The following AKR1C2 variants were observed in gnomAD, a reference collection of about 807,000 sequenced individuals.
AKR1C2 encodes 3-alpha-HSD3.
In AKR1C2, 27 loss-of-function variants were observed where a neutral mutation model predicts 39.8. That is an observed-to-expected ratio of 0.68 (90% CI 0.50 to 0.93). The LOEUF is 0.93. Among genes scored for constraint, AKR1C2 ranks in the 40% least tolerant of loss-of-function variants. The pLI is 0.00. For synonymous variants in AKR1C2, 114 were observed against 137.9 expected, an observed-to-expected ratio of 0.83 and a Z score of 1.22; for missense variants, 263 against 365.1, an observed-to-expected ratio of 0.72 and a Z score of 2.28.
chr10:5,015,284 A>G (rs1244280646), intron 1 of AKR1C2: 2 of 152,106 alleles, frequency 1.3e-5, no homozygotes, highest in African/African-American at 4.8e-5. Flanking sequence ...TGAGAAAATT[A>G]TTTTCTTTCT....
At chr10:4,993,371 AT>A (rs1267727314) in intron 7 of AKR1C2, among the ~76,000 whole-genome samples, 5 of 152,324 alleles carry the variant, frequency 3.3e-5, no homozygotes, top group African/African-American at 1.2e-4. Flanking sequence ...AGGTAAAAAA[AT>A]TCAAGTTATG....
chr10:5,006,088 AG>A (rs1837397213), upstream of AKR1C2: 1 of 152,220 alleles, frequency 6.6e-6, no homozygotes, highest in Non-Finnish European at 1.5e-5. Flanking sequence ...AAATGTGAAC[AG>A]GTCCTAAGGG....
chr10:4,993,812 C>G (rs1836923376), intron 7 of AKR1C2, among the ~76,000 whole-genome samples: 1 of 151,122 alleles, frequency 6.6e-6, no homozygotes. Flanking sequence ...ACACATATGT[C>G]ATATATCATA....
intron 1 of AKR1C2, among the ~76,000 whole-genome samples, chr10:5,014,068 T>TTGTG (rs1837580050): frequency 2.0e-5 from 3 of 152,104 alleles, no homozygotes; most frequent in Admixed American, 2.0e-4. Flanking sequence ...TAATGTCCCT[T>TTGTG]TGTAGACACT....
upstream of AKR1C2, chr10:5,007,645 T>A (rs1837433279): frequency 6.6e-6 from 1 of 150,674 alleles, no homozygotes; most frequent in Non-Finnish European, 1.5e-5. Context: ...AAATTTCAGG[T>A]CTTTCTTACA....
Position 4,995,880 on chromosome 10 carries a change from G to C in AKR1C2, c.571-15C>G, listed in dbSNP as rs782075521. Reference sequence around the variant, plus strand: ...TGACATTCCACCTGCAGACGAGCAAGATGGAAAAGCATCAGATAATCCAAA... The same window carrying C: ...TGACATTCCACCTGCAGACGAGCAACATGGAAAAGCATCAGATAATCCAAA... On this transcript the variant is annotated splice_polypyrimidine_tract_variant and intron_variant, in intron 5 of 8. Transcript: ENST00000380753. The C allele has an allele frequency of 6.2e-7, 1 of 1,609,154 alleles. No individual in the cohort carries two copies. Among genetic ancestry groups the C allele is most frequent in the South Asian group, 1.1e-5 (1 of 90,276 alleles).
upstream of AKR1C2, among the ~76,000 whole-genome samples, chr10:5,004,459 TG>T (rs1238475549): frequency 3.3e-5 from 5 of 152,272 alleles, no homozygotes; most frequent in African/African-American, 1.2e-4. Context: ...GTAATCCTGA[TG>T]TGGGTGTAAA....
upstream of AKR1C2, among the ~76,000 whole-genome samples, chr10:5,007,763 C>G (rs1837435534): frequency 6.6e-6 from 1 of 151,592 alleles, no homozygotes; most frequent in Non-Finnish European, 1.5e-5. Context: ...AGAAAAATTT[C>G]TACCGGCTAT....
intron 7 of AKR1C2, among the ~76,000 whole-genome samples, chr10:4,992,473 A>T (rs1836873265): frequency 6.6e-6 from 1 of 152,198 alleles, no homozygotes. Context: ...CAATCAAATA[A>T]GTGTATAAAT....
intron 1 of AKR1C2, among the ~76,000 whole-genome samples, chr10:5,017,174 G>A (rs140205257): frequency 4.6e-5 from 7 of 152,228 alleles, no homozygotes; most frequent in African/African-American, 1.2e-4. Context: ...TTAACATTTG[G>A]CTCTTCTTTA....
intron 2 of AKR1C2, 123 bp from the exon 3 acceptor site, chr10:5,000,789 C>G: frequency 1.3e-6 from 1 of 789,284 alleles, no homozygotes; most frequent in East Asian, 2.5e-5. Flanking sequence ...CAAAATTATT[C>G]TCTCTCTTCT....
chr10:5,015,457 A>G (rs1428330627), intron 1 of AKR1C2, among the ~76,000 whole-genome samples: 2 of 152,154 alleles, frequency 1.3e-5, no homozygotes, highest in Non-Finnish European at 2.9e-5. Context: ...TACCTGTAGT[A>G]GCATAAATTC....
At chr10:4,996,322 T>G in intron 5 of AKR1C2, among the ~76,000 whole-genome samples, 1 of 151,700 alleles carries the variant, frequency 6.6e-6, no homozygotes, top group South Asian at 2.1e-4. Context: ...ATATATGCCA[T>G]CTATGATATA....
At chr10:4,997,905 A>G (rs2854493) in intron 5 of AKR1C2, among the ~76,000 whole-genome samples, 9,924 of 152,242 alleles carry the variant, frequency 0.065, 550 homozygotes, top group African/African-American at 0.15. Context: ...TAGGCTATGA[A>G]AGAACCATGC....
intron 1 of AKR1C2, among the ~76,000 whole-genome samples, chr10:5,011,395 A>G (rs1364430147): frequency 6.6e-6 from 1 of 152,240 alleles, no homozygotes. Context: ...CAATGTATCT[A>G]TGTAGCAAAC....
chr10:5,000,414 G>A (rs782816263), intron 3 of AKR1C2, 136 bp downstream of exon 3: 3 of 1,576,420 alleles, frequency 1.9e-6, no homozygotes, highest in African/African-American at 2.7e-5. Flanking sequence ...AAGGAATTAG[G>A]AGTTATGTTT....
intron 1 of AKR1C2, 95 bp from the exon 2 acceptor site, chr10:5,001,776 C>T (rs1179044908): frequency 2.0e-6 from 3 of 1,527,640 alleles, no homozygotes; most frequent in Admixed American, 3.6e-5. Flanking sequence ...AGCTTTTCCT[C>T]CTTTCTTGGA....
At chr10:5,001,364 T>C (rs1554773806) in intron 2 of AKR1C2, 150 bp downstream of exon 2, 3 of 1,370,250 alleles carry the variant, frequency 2.2e-6, no homozygotes, top group Non-Finnish European at 2.9e-6. Flanking sequence ...CTTCCTGCCT[T>C]TGATATTAGT....
chr10:5,017,087 C>T (rs782403081), intron 1 of AKR1C2, among the ~76,000 whole-genome samples: 1 of 152,208 alleles, frequency 6.6e-6, no homozygotes, highest in Non-Finnish European at 1.5e-5. Context: ...TCCTAAACCT[C>T]CAGGTCTGTG....
Sources: allele counts gnomAD v4.1 joint callset (sites outside exome capture counted in the v4.1 genomes callset), GRCh38; gene constraint gnomAD v4.1.1; transcripts MANE v1.5; gene names NCBI Gene and HGNC (gene_info 2026-07-23, HGNC 2026-07-21).